ANKRD29: variants seen among roughly 807,000 people sequenced by gnomAD.
The protein encoded by ANKRD29 is ankyrin repeat domain 29, also known as ankyrin repeat domain-containing protein 29.
In ANKRD29, 32 loss-of-function variants were observed where a neutral mutation model predicts 38.0. That is an observed-to-expected ratio of 0.84 (90% CI 0.64 to 1.13). ANKRD29 has a LOEUF of 1.13. Ranked by LOEUF, ANKRD29 falls within the 50% of genes most tolerant of loss-of-function variation. The probability of loss-of-function intolerance (pLI) is 0.00; values close to 1 mark genes in which losing one functional copy is unlikely to be tolerated. For missense variants in ANKRD29, 357 were observed against 377.9 expected (o/e 0.94, Z 0.46); for synonymous variants, 135 against 152.4 (o/e 0.89, Z 0.84).
chr18:23,625,406 T>C (rs1598486400), intron 6 of ANKRD29, among the ~76,000 whole-genome samples: 1 of 151,690 alleles, frequency 6.6e-6, no homozygotes, highest in Admixed American at 6.6e-5. Flanking sequence ...TTCCCAGAGG[T>C]TGGCAGTCTG....
chr18:23,636,337 G>T (rs2060002611), intron 4 of ANKRD29, among the ~76,000 whole-genome samples: 1 of 152,102 alleles, frequency 6.6e-6, no homozygotes, highest in African/African-American at 2.4e-5. Context: ...ATGGGGTCTT[G>T]CTATGTGGCC....
chr18:23,646,906 G>C (rs2060147167), intron 2 of ANKRD29: 1 of 152,552 alleles, frequency 6.6e-6, no homozygotes, highest in Non-Finnish European at 1.5e-5. Context: ...CCAGCTTTAA[G>C]ATTCAAGGAC....
Position 23,617,827 on chromosome 18 carries a change from C to T in ANKRD29, c.628G>A (p.Asp210Asn), listed in dbSNP as rs760674964. The part of the protein sequence containing the change: ...RGADRDAARN[D>N]GTTALLKAAN... ...GCTTTCAATAATGCTGTTGTGCCAT[C>T]CTTAACAGAAAGAGGAAAATAAAAG... Residue 210 changes from aspartate to asparagine, a missense_variant and splice_region_variant, in exon 8 of 10, where the codon GAT (aspartate) becomes AAT (asparagine). Coordinates refer to ENST00000592179, the MANE Select transcript of ANKRD29 (RefSeq NM_173505.4). 9.3e-6 allele frequency: 15 copies of T among 1,613,026 alleles called. No individual in the cohort carries two copies. In the Admixed American group the frequency reaches 1.2e-4, roughly 13 times the overall value.
intron 1 of ANKRD29, among the ~76,000 whole-genome samples, chr18:23,656,051 CCACTG>C (rs1311748664): frequency 2.7e-5 from 4 of 149,044 alleles, no homozygotes; most frequent in African/African-American, 7.4e-5. Flanking sequence ...CGAGATCCCG[CCACTG>C]CACTCCAGCC....
At chr18:23,636,657 T>C (rs1304978057) in intron 4 of ANKRD29, among the ~76,000 whole-genome samples, 2 of 152,244 alleles carry the variant, frequency 1.3e-5, no homozygotes, top group South Asian at 2.1e-4. Context: ...CACTGCAGCC[T>C]TGACCTCCCA....
chr18:23,658,396 T>C (rs2060311762), intron 1 of ANKRD29, among the ~76,000 whole-genome samples: 1 of 152,210 alleles, frequency 6.6e-6, no homozygotes, highest in Middle Eastern at 3.2e-3. Context: ...AGTGAGACCC[T>C]GTCTCAAAAC....
intron 2 of ANKRD29, chr18:23,646,673 T>C (rs2060144323): frequency 6.2e-6 from 1 of 162,296 alleles, no homozygotes; most frequent in African/African-American, 2.4e-5. Flanking sequence ...CATCTGATTT[T>C]CCATATTTAA....
rs534724409 is a variant in ANKRD29 at position 23,662,596 on chromosome 18, G to GGCGGGCA, written c.21+107_21+113dup. 2,023 of 937,258 alleles carry GGCGGGCA rather than the reference G, an allele frequency of 2.2e-3. 43 individuals are homozygous for GGCGGGCA. The African/African-American group carries it at 0.035, about 16-fold the overall frequency. The allele number at this position is 937,258 out of a possible 1,614,324, so 58.1% of individuals were successfully genotyped here. ...CTGGAGGAGAGAGGAAGGAGGAGGC[G>GGCGGGCA]GCGGGCAGCGGGCAGCGCCCACCCC... On this transcript the variant is annotated intron_variant, in intron 1 of 9. Transcript: ENST00000592179.
chr18:23,649,449 G>A (rs564257042), intron 1 of ANKRD29: 108 of 679,220 alleles, frequency 1.6e-4, no homozygotes, highest in South Asian at 5.9e-4. Flanking sequence ...TCCCACTAAT[G>A]TTCTCACTTT....
chr18:23,615,070 G>A (rs1379510520), intron 8 of ANKRD29, among the ~76,000 whole-genome samples: 1 of 152,220 alleles, frequency 6.6e-6, no homozygotes, highest in Non-Finnish European at 1.5e-5. Flanking sequence ...TGCCCTGGCA[G>A]AAGTGCAAAG....
In ANKRD29 at chr18:23,612,180, G is replaced by A. The variant is rs1346503931; in HGVS notation, c.734C>T (p.Ser245Leu). ...PTLGILKNGTSALHAAVLSGN... is the reference protein window; with the variant it reads ...PTLGILKNGTLALHAAVLSGN... ...ACTGAGCACTGCTGCATGGAGCGCT[G>A]ATGTCCCATTCTAAGAGAAAATGAC... Residue 245 changes from serine to leucine, a missense_variant, in exon 9 of 10, where the codon TCA becomes TTA. Physicochemically the swap from Ser to Leu is moderately radical, Grantham distance 145. Coordinates refer to ENST00000592179, the MANE Select transcript of ANKRD29 (RefSeq NM_173505.4). The A allele has an allele frequency of 3.7e-6, 6 of 1,613,366 alleles. No homozygotes were observed. In the African/African-American group the frequency reaches 8.0e-5, roughly 22 times the overall value.
chr18:23,617,768 C>T lies in ANKRD29; in HGVS notation c.687G>A (p.Glu229=). 1 of 1,614,082 alleles carries T rather than the reference C, an allele frequency of 6.2e-7. No homozygotes were observed. Reference sequence around the variant, plus strand: ...CAAGAGTGGGTGAGAATTTAAGCAACTCTTTTATGACATCATTATACCCTT... The same window carrying T: ...CAAGAGTGGGTGAGAATTTAAGCAATTCTTTTATGACATCATTATACCCTT... ...ANKGYNDVIK[E]LLKFSPTLGI... Residue 229 remains glutamate (E), a synonymous_variant, in exon 8 of 10, where the codon GAG becomes GAA. Coordinates refer to ENST00000592179, the MANE Select transcript of ANKRD29 (RefSeq NM_173505.4).
intron 6 of ANKRD29, among the ~76,000 whole-genome samples, chr18:23,628,989 A>G (rs989062862): frequency 6.6e-6 from 1 of 152,076 alleles, no homozygotes; most frequent in African/African-American, 2.4e-5. Context: ...TTTAAAAATC[A>G]TTACTCTTTT....
At chr18:23,645,550 G>T (rs1317784658) in intron 3 of ANKRD29, among the ~76,000 whole-genome samples, 2 of 152,236 alleles carry the variant, frequency 1.3e-5, no homozygotes, top group East Asian at 3.9e-4. Flanking sequence ...CTCCAGCCTG[G>T]GCCACAGGGC....
At chr18:23,632,426 G>A (rs566001971) in intron 5 of ANKRD29, among the ~76,000 whole-genome samples, 1 of 151,654 alleles carries the variant, frequency 6.6e-6, no homozygotes, top group Non-Finnish European at 1.5e-5. Flanking sequence ...TATAATGCAT[G>A]AAATTTCTTG....
At chr18:23,615,944 A>T (rs1457946590) in intron 8 of ANKRD29, among the ~76,000 whole-genome samples, 1 of 135,180 alleles carries the variant, frequency 7.4e-6, no homozygotes, top group African/African-American at 2.7e-5. Context: ...ATAGTATATA[A>T]TATATACATA....
intron 1 of ANKRD29, 97 bp downstream of exon 1, chr18:23,662,613 G>GGCCCCCCCCCCC: frequency 2.5e-6 from 1 of 403,938 alleles, no homozygotes; most frequent in Non-Finnish European, 4.5e-6. Context: ...AGCGGGCAGC[G>GGCCCCCCCCCCC]CCCACCCCAT....
At chr18:23,603,317 C>T (rs1260353393) in intron 9 of ANKRD29, among the ~76,000 whole-genome samples, 1 of 152,226 alleles carries the variant, frequency 6.6e-6, no homozygotes, top group Non-Finnish European at 1.5e-5. Context: ...AATGTTGGCA[C>T]ATTTCATTGT....
rs2059506894 is a variant in ANKRD29 at position 23,601,157 on chromosome 18, C to T, written c.*69G>A. The T allele has an allele frequency of 7.0e-7, 1 of 1,423,224 alleles. No individual in the cohort carries two copies. The highest frequency in any genetic ancestry group is 9.8e-7 in the Non-Finnish European group (1 of 1,019,742). 88.2% of individuals were successfully genotyped at this position (1,423,224 alleles called of 1,614,324 possible). A position where few individuals can be genotyped will look rare whatever the true frequency, so the allele number is the denominator to read the frequency against. On this transcript the variant is annotated 3_prime_UTR_variant, in exon 10 of 10. Transcript: ENST00000592179. ...TTTCATAAAAGAATTTCCAACACTG[C>T]TTGAAATGCAATTTCTTTTTGGACA...
Sources: allele counts gnomAD v4.1 joint callset (sites outside exome capture counted in the v4.1 genomes callset), GRCh38; gene constraint gnomAD v4.1.1; transcripts MANE v1.5; gene names NCBI Gene and HGNC (gene_info 2026-07-23, HGNC 2026-07-21).